ZIC3: variants seen among roughly 807,000 people sequenced by gnomAD.
ZIC3 encodes zinc finger protein ZIC 3.
ZIC3 carries 6 observed loss-of-function variants against 18.3 expected under a neutral mutation model. The ratio of observed to expected loss-of-function variants is 0.33; its 90% CI spans 0.18 to 0.65. ZIC3 has a LOEUF of 0.65. ZIC3 is among the 30% of genes least tolerant of loss of function. The pLI is 0.75. For missense variants in ZIC3, 260 were observed against 410.0 expected (o/e 0.63, Z 3.16); for synonymous variants, 175 against 177.0 (o/e 0.99, Z 0.09).
At chrX:137,577,435 T>TC (rs1455606290) in exon 3 of ZIC3, 5 of 329,656 alleles carry the variant, frequency 1.5e-5, no homozygotes, top group Admixed American at 5.4e-5. Flanking sequence ...GCAAAAAAAC[T>TC]CCCCCCACTT....
chrX:137,577,084 T>G (rs1293391982), downstream of ZIC3: 5 of 490,279 alleles, frequency 1.0e-5, no homozygotes, highest in Admixed American at 1.5e-4. Context: ...GTGGCCTGTT[T>G]TGACCTATCT....
chrX:137,576,150 G>T, downstream of ZIC3, among the ~76,000 whole-genome samples: 2 of 93,346 alleles, frequency 2.1e-5, no homozygotes, highest in African/African-American at 4.1e-5. Context: ...TGACATCTTT[G>T]AGAGATCAAA....
downstream of ZIC3, among the ~76,000 whole-genome samples, chrX:137,572,311 T>A (rs1469136872): frequency 8.9e-6 from 1 of 112,330 alleles, no homozygotes; most frequent in African/African-American, 3.2e-5. Context: ...TATTTTTTGT[T>A]AGTGGAGAAT....
chrX:137,575,668 T>G (rs1382727785), downstream of ZIC3, among the ~76,000 whole-genome samples: 4 of 111,849 alleles, frequency 3.6e-5, no homozygotes, highest in Admixed American at 3.8e-4. Context: ...CTCTTGGGGT[T>G]GTCCAGTGTC....
In ZIC3 at chrX:137,571,901, A is replaced by G. The variant is rs189739012; in HGVS notation, c.*1831A>G. Among the ~76,000 whole-genome samples the G allele has an allele frequency of 6.2e-5, 7 of 112,072 alleles. No homozygotes were observed. Among genetic ancestry groups the G allele is most frequent in the Admixed American group, 5.7e-4 (6 of 10,564 alleles). On this transcript the variant is annotated 3_prime_UTR_variant, in exon 3 of 3. Transcript: ENST00000287538. Reference sequence around the variant, plus strand: ...TATTGAGAGCCCAATCTCTGCATGAATAACAGAAAGGTGGACATAAGGAAT... The same window carrying G: ...TATTGAGAGCCCAATCTCTGCATGAGTAACAGAAAGGTGGACATAAGGAAT...
Position 137,570,543 on chromosome X carries a change from A to T in ZIC3, c.*473A>T, listed in dbSNP as rs1931423366. ...TTTTCCTCAAAGCATTACACTTGTG[A>T]ATGTATTTTTGTCTAATAGGGTCGA... is the stretch of plus-strand genomic sequence containing the variant. On this transcript the variant is annotated 3_prime_UTR_variant, in exon 3 of 3. Coordinates refer to ENST00000287538, the MANE Select transcript of ZIC3 (RefSeq NM_003413.4). 1 of 134,516 alleles carries T rather than the reference A, an allele frequency of 7.4e-6. No homozygotes were observed. The highest frequency in any genetic ancestry group is 2.2e-4 in the South Asian group (1 of 4,449). The allele number at this position is 134,516 out of a possible 1,213,427, so 11.1% of individuals were successfully genotyped here. A position where few individuals can be genotyped will look rare whatever the true frequency, so the allele number is the denominator to read the frequency against.
chrX:137,566,714 G>T lies in ZIC3; in HGVS notation c.23G>T (p.Gly8Val). MTMLLDG[G>V]PQFPGLGVGS... is the part of the protein sequence containing the mutation. ...CCCATGACGATGCTCCTGGACGGAGGCCCGCAGTTCCCTGGGCTGGGAGTG... is the reference window on the plus strand; with the variant it reads ...CCCATGACGATGCTCCTGGACGGAGTCCCGCAGTTCCCTGGGCTGGGAGTG... The change falls in exon 1 of 3, where the codon GGC becomes GTC. Residue 8 changes from glycine to valine, a missense_variant. Physicochemically the swap from Gly to Val is moderately radical, Grantham distance 109. This residue lies in a region of ZIC3 where 183 missense variants were observed against 223.8 expected (regional missense o/e 0.82). Transcript: ENST00000287538. 8.3e-7 allele frequency: 1 copy of T among 1,199,248 alleles called. No individual in the cohort carries two copies. The highest frequency in any genetic ancestry group is 1.1e-6 in the Non-Finnish European group (1 of 890,198).
chrX:137,567,483 CAAG>C lies in ZIC3; in HGVS notation c.797_799del (p.Lys266del). The C allele has an allele frequency of 8.3e-7, 1 of 1,212,049 alleles. No homozygotes were observed. Among genetic ancestry groups the C allele is most frequent in the Non-Finnish European group, 1.1e-6 (1 of 895,626 alleles). On this transcript the variant is annotated inframe_deletion, in exon 1 of 3. Coordinates refer to ENST00000287538, the MANE Select transcript of ZIC3 (RefSeq NM_003413.4). The stretch of plus-strand genomic sequence containing the variant: ...TCGACGAGGCTCAGCTGAGCCGGCC[CAAG>C]AAGAGCTGCGACCGGACCTTCAGCA...
chrX:137,573,027 A>G (rs1362596557), downstream of ZIC3, among the ~76,000 whole-genome samples: 1 of 104,763 alleles, frequency 9.5e-6, no homozygotes, highest in East Asian at 3.1e-4. Flanking sequence ...AAAACTCCTT[A>G]TTTTGATAGA....
At position 137,568,798 on chromosome X, in the gene ZIC3, C is replaced by G. The variant is rs777506473; in HGVS notation, c.1061-104C>G. The G allele has an allele frequency of 2.3e-4, 221 of 959,743 alleles. No individual in the cohort carries two copies. The South Asian group carries it at 4.0e-3, about 17-fold the overall frequency. 79.1% of individuals were successfully genotyped at this position (959,743 alleles called of 1,213,427 possible). ...GCAGCAGCAGCCCCCAGTCCGCGCT[C>G]CCTTTCCGGGAAGACCGCCGGGAGC... On this transcript the variant is annotated intron_variant, in intron 1 of 2. Transcript: ENST00000287538.
downstream of ZIC3, among the ~76,000 whole-genome samples, chrX:137,575,517 G>A (rs1931503924): frequency 1.8e-5 from 2 of 111,520 alleles, no homozygotes; most frequent in South Asian, 7.6e-4. Context: ...ACCTTCAGAT[G>A]TGTCTTTTGT....
chrX:137,568,432 T>G (rs1931388487), intron 1 of ZIC3, among the ~76,000 whole-genome samples: 2 of 111,382 alleles, frequency 1.8e-5, no homozygotes, highest in East Asian at 5.7e-4. Flanking sequence ...CTTTTTAATA[T>G]CGGGCTTAGC....
In ZIC3 at chrX:137,566,847, CGCCGCT is replaced by C. The variant is rs766950526; in HGVS notation, c.160_165del (p.Ala54_Ala55del). On this transcript the variant is annotated inframe_deletion, in exon 1 of 3. Coordinates refer to ENST00000287538, the MANE Select transcript of ZIC3 (RefSeq NM_003413.4). ...CCCACGCCGCCGCCGCCGCCGCCGC[CGCCGCT>C]GCCTTCAAGCTGAGCCCTGCCGCGG... is the stretch of plus-strand genomic sequence containing the variant. The C allele has an allele frequency of 5.2e-6, 6 of 1,162,092 alleles. No homozygotes were observed. The African/African-American group carries it at 1.1e-4, about 21-fold the overall frequency.
chrX:137,567,010 G>A lies in ZIC3; in HGVS notation c.319G>A (p.Ala107Thr), dbSNP rs759553920. Residue 107 changes from alanine (A) to threonine (T), a missense_variant, in exon 1 of 3, where the codon GCT (alanine) becomes ACT (threonine). Transcript: ENST00000287538. ...HTSQVPSYGG[A>T]ASAAFNSTRE... ...CAGCCAGGTGCCCAGCTACGGTGGC[G>A]CTGCCTCTGCCGCCTTCAACTCAAC... 2 of 1,167,271 alleles carry A rather than the reference G, an allele frequency of 1.7e-6. No individual in the cohort carries two copies. The highest frequency in any genetic ancestry group is 1.1e-6 in the Non-Finnish European group (1 of 873,181).
chrX:137,577,479 C>T, exon 3 of ZIC3: 1 of 300,497 alleles, frequency 3.3e-6, no homozygotes, highest in Non-Finnish European at 5.8e-6. Flanking sequence ...GAGGTGAAGA[C>T]TGGCCTAATT....
Position 137,570,566 on chromosome X carries a change from C to A in ZIC3, c.*496C>A. ...TGAATGTATTTTTGTCTAATAGGGT[C>A]GAAACTGTTGTTCAGTATTTTTTCA... On this transcript the variant is annotated 3_prime_UTR_variant, in exon 3 of 3. Transcript: ENST00000287538. 1 of 127,234 alleles carries A rather than the reference C, an allele frequency of 7.9e-6. No individual in the cohort carries two copies. 10.5% of individuals were successfully genotyped at this position (127,234 alleles called of 1,213,427 possible). A position where few individuals can be genotyped will look rare whatever the true frequency, so the allele number is the denominator to read the frequency against.
chrX:137,570,358 C>G lies in ZIC3; in HGVS notation c.*288C>G. 1 of 331,235 alleles carries G rather than the reference C, an allele frequency of 3.0e-6. No individual in the cohort carries two copies. The allele number at this position is 331,235 out of a possible 1,213,427, so 27.3% of individuals were successfully genotyped here. A position where few individuals can be genotyped will look rare whatever the true frequency, so the allele number is the denominator to read the frequency against. Reference sequence around the variant, plus strand: ...CTGCACACCCCATTCTTAAACTCCTCCAATTCATTTTAACACTTGTCCTGT... The same window carrying G: ...CTGCACACCCCATTCTTAAACTCCTGCAATTCATTTTAACACTTGTCCTGT... On this transcript the variant is annotated 3_prime_UTR_variant, in exon 3 of 3. Coordinates refer to ENST00000287538, the MANE Select transcript of ZIC3 (RefSeq NM_003413.4).
At chrX:137,576,091 C>A (rs1222595202), downstream of ZIC3, among the ~76,000 whole-genome samples, 1 of 107,311 alleles carries the variant, frequency 9.3e-6, no homozygotes. Context: ...GTTTCCTTCC[C>A]CGGTTCACTC....
rs1931433049 is a variant in ZIC3, at chrX:137,571,274, AG to A, written c.*1206del. 1 of 112,148 alleles carries A rather than the reference AG, an allele frequency of 8.9e-6. No homozygotes were observed. The highest frequency in any genetic ancestry group is 1.9e-5 in the Non-Finnish European group (1 of 53,175). The allele number at this position is 112,148 out of a possible 1,213,427, so 9.2% of individuals were successfully genotyped here. A position where few individuals can be genotyped will look rare whatever the true frequency, so the allele number is the denominator to read the frequency against. On this transcript the variant is annotated 3_prime_UTR_variant, in exon 3 of 3. Transcript: ENST00000287538. ...CTTACATAAAAATGAAAATTGCGGC[AG>A]GATGCATGTCTGTCTGTTCTATCTA...
Sources: allele counts gnomAD v4.1 joint callset (sites outside exome capture counted in the v4.1 genomes callset), GRCh38; gene constraint gnomAD v4.1.1; regional missense constraint gnomAD v4.1.1; transcripts MANE v1.5; gene names NCBI Gene and HGNC (gene_info 2026-07-23, HGNC 2026-07-21).